ADAMTS14: variants seen among roughly 807,000 people sequenced by gnomAD.
ADAMTS14 encodes A disintegrin and metalloproteinase with thrombospondin motifs 14.
ADAMTS14 carries 100 observed loss-of-function variants against 128.6 expected under a neutral mutation model. The ratio of observed to expected loss-of-function variants is 0.78; its 90% CI spans 0.66 to 0.92. The LOEUF (loss-of-function observed/expected upper bound fraction) is 0.92. Among genes scored for constraint, ADAMTS14 ranks in the 40% least tolerant of loss-of-function variants. The pLI is 0.00. For missense variants in ADAMTS14, 1,562 were observed against 1,658.6 expected (o/e 0.94, Z 1.01); for synonymous variants, 665 against 653.8 (o/e 1.02, Z -0.26).
At chr10:70,757,247 G>C (rs1480498123) in intron 19 of ADAMTS14, among the ~76,000 whole-genome samples, 1 of 152,196 alleles carries the variant, frequency 6.6e-6, no homozygotes, top group East Asian at 1.9e-4. Flanking sequence ...GCCACCCCCT[G>C]CAAACGGTGG....
intron 4 of ADAMTS14, among the ~76,000 whole-genome samples, chr10:70,718,595 A>C (rs1339085617): frequency 6.6e-6 from 1 of 151,842 alleles, no homozygotes. Context: ...TGTGTTGGCC[A>C]GGCTTGTCTC....
intron 4 of ADAMTS14, among the ~76,000 whole-genome samples, chr10:70,713,394 A>G (rs1214245944): frequency 6.6e-6 from 1 of 152,182 alleles, no homozygotes; most frequent in Non-Finnish European, 1.5e-5. Context: ...AGCTCACACT[A>G]GCTGAAGCCA....
Position 70,729,390 on chromosome 10 carries a change from G to A in ADAMTS14, c.954+13G>A, listed in dbSNP as rs1564542427. ...TGGCTACCGACAGGTAAACCACCTT[G>A]TCAGCAGGCAGGGTTTGCGGGGAGA... On this transcript the variant is annotated intron_variant, in intron 5 of 21. Transcript: ENST00000373207. 1.9e-6 allele frequency: 3 copies of A among 1,611,082 alleles called. No homozygotes were observed. Among genetic ancestry groups the A allele is most frequent in the Non-Finnish European group, 2.5e-6 (3 of 1,177,546 alleles).
rs147720294 is a variant in ADAMTS14 at position 70,752,114 on chromosome 10, C to T, written c.2616C>T (p.Tyr872=). 96 of 1,612,654 alleles carry T rather than the reference C, an allele frequency of 6.0e-5. No homozygotes were observed. Among genetic ancestry groups the T allele is most frequent in the South Asian group, 2.4e-4 (22 of 91,064 alleles). Residue 872 remains tyrosine, a synonymous_variant, in exon 18 of 22, where the codon TAC becomes TAT. Coordinates refer to ENST00000373207, the MANE Select transcript of ADAMTS14 (RefSeq NM_080722.4). ...CCATAGGGATCCAGTTCACCAAATA[C>T]GGCTGCCGGCGCAGACGAGACCACC... is the stretch of plus-strand genomic sequence containing the variant. The part of the protein sequence containing the change: ...ACGGGIQFTK[Y]GCRRRRDHHM...
intron 11 of ADAMTS14, among the ~76,000 whole-genome samples, chr10:70,739,826 C>T (rs950344617): frequency 6.6e-6 from 1 of 152,170 alleles, no homozygotes; most frequent in African/African-American, 2.4e-5. Flanking sequence ...AACTCACTGC[C>T]TATTGAAGCA....
chr10:70,674,372 C>T (rs1212841026), intron 1 of ADAMTS14, among the ~76,000 whole-genome samples, 184 bp from the exon 2 acceptor site: 1 of 152,304 alleles, frequency 6.6e-6, no homozygotes, highest in Admixed American at 6.5e-5. Flanking sequence ...GAACACCCTT[C>T]ATCCAAGTGT....
At position 70,751,536 on chromosome 10, in the gene ADAMTS14, A is replaced by G. The variant is rs1183863093; in HGVS notation, c.2486A>G (p.His829Arg). 4 of 1,613,568 alleles carry G rather than the reference A, an allele frequency of 2.5e-6. No individual in the cohort carries two copies. The highest frequency in any genetic ancestry group is 3.3e-5 in the Admixed American group (2 of 60,010). ...RSSLAYKYVI[H>R]EDLLPLIGSN... is the part of the protein sequence containing the mutation. ...AGCCTGGCCTACAAGTACGTCATCC[A>G]TGAGGACCTGCTGCCCCTTATCGGG... The change falls in exon 17 of 22, where the codon CAT (histidine) becomes CGT (arginine). Residue 829 changes from histidine to arginine, a missense_variant. Transcript: ENST00000373207.
At chr10:70,672,948 A>G in intron 1 of ADAMTS14, 64 bp downstream of exon 1, 1 of 1,373,418 alleles carries the variant, frequency 7.3e-7, no homozygotes, top group Non-Finnish European at 9.3e-7. Flanking sequence ...AGGGTGGCCC[A>G]AGGTTGCCCC....
intron 4 of ADAMTS14, among the ~76,000 whole-genome samples, chr10:70,719,709 A>G (rs1475300993): frequency 6.6e-6 from 1 of 152,202 alleles, no homozygotes; most frequent in Non-Finnish European, 1.5e-5. Context: ...TGCCTGGCTG[A>G]AATAAGTTTT....
At chr10:70,750,574 C>T (rs1842320854) in intron 16 of ADAMTS14, among the ~76,000 whole-genome samples, 1 of 152,216 alleles carries the variant, frequency 6.6e-6, no homozygotes, top group Non-Finnish European at 1.5e-5. Context: ...GGCTTTGTTC[C>T]TGGTGTCACC....
chr10:70,688,244 A>C (rs1173388513), intron 2 of ADAMTS14, among the ~76,000 whole-genome samples: 1 of 51,952 alleles, frequency 1.9e-5, no homozygotes, highest in African/African-American at 8.0e-5. Context: ...GGCGGGGCAG[A>C]GGCGCTCCCC....
At chr10:70,703,520 C>T (rs1463220237) in intron 3 of ADAMTS14, among the ~76,000 whole-genome samples, 1 of 152,148 alleles carries the variant, frequency 6.6e-6, no homozygotes, top group Admixed American at 6.6e-5. Flanking sequence ...TTCTGCAGGC[C>T]TAAGGTGGGG....
chr10:70,755,794 A>G (rs1321469429), intron 19 of ADAMTS14, among the ~76,000 whole-genome samples: 1 of 152,224 alleles, frequency 6.6e-6, no homozygotes, highest in Non-Finnish European at 1.5e-5. Context: ...GGTTGCAGTG[A>G]GCCAAGATCA....
chr10:70,727,230 G>C (rs1841464493), intron 4 of ADAMTS14, among the ~76,000 whole-genome samples: 1 of 152,246 alleles, frequency 6.6e-6, no homozygotes, highest in Non-Finnish European at 1.5e-5. Context: ...TGGCCCAGAA[G>C]GGGTATGCCA....
chr10:70,760,338 T>G (rs1031943593), intron 21 of ADAMTS14, 22 bp from the exon 22 acceptor site: 22 of 1,517,536 alleles, frequency 1.4e-5, no homozygotes, highest in Non-Finnish European at 1.9e-5. Flanking sequence ...CTTCCATCCT[T>G]GTCCTTGTGC....
intron 3 of ADAMTS14, among the ~76,000 whole-genome samples, chr10:70,703,991 A>G (rs1840574669): frequency 6.6e-6 from 1 of 152,236 alleles, no homozygotes; most frequent in Non-Finnish European, 1.5e-5. Flanking sequence ...TGTGGGGAGA[A>G]GCATTTCTAG....
intron 19 of ADAMTS14, among the ~76,000 whole-genome samples, chr10:70,757,650 G>C (rs1021337026): frequency 6.6e-6 from 1 of 152,182 alleles, no homozygotes; most frequent in Non-Finnish European, 1.5e-5. Flanking sequence ...TAGGGAATGG[G>C]GTCCCAGAGG....
At chr10:70,688,694 C>T (rs1353119243) in intron 2 of ADAMTS14, among the ~76,000 whole-genome samples, 5 of 112,232 alleles carry the variant, frequency 4.5e-5, no homozygotes, top group Admixed American at 8.9e-5. Flanking sequence ...AGCGAAACCC[C>T]GTCTCCACCA....
At chr10:70,681,765 C>T (rs1177069617) in intron 2 of ADAMTS14, among the ~76,000 whole-genome samples, 1 of 152,226 alleles carries the variant, frequency 6.6e-6, no homozygotes, top group African/African-American at 2.4e-5. Context: ...CTGTGACCTA[C>T]CCCCTCCCAG....
Sources: allele counts gnomAD v4.1 joint callset (sites outside exome capture counted in the v4.1 genomes callset), GRCh38; gene constraint gnomAD v4.1.1; transcripts MANE v1.5; gene names NCBI Gene and HGNC (gene_info 2026-07-23, HGNC 2026-07-21).